Variants in NSUN6 observed in about 807,000 individuals in gnomAD.
NSUN6 encodes NOP2/Sun RNA methyltransferase 6, also known as tRNA (cytosine(72)-C(5))-methyltransferase NSUN6.
In NSUN6, 64 loss-of-function variants were observed where a neutral mutation model predicts 58.0. The ratio of observed to expected loss-of-function variants is 1.10; its 90% CI spans 0.90 to 1.36. The LOEUF (loss-of-function observed/expected upper bound fraction) is 1.36, where lower values mean the gene tolerates loss of function less well. Ranked by LOEUF, NSUN6 falls within the 40% of genes most tolerant of loss-of-function variation. The pLI, the probability that NSUN6 is intolerant of heterozygous loss-of-function variation, is 0.00. For missense variants in NSUN6, 701 were observed against 550.1 expected (o/e 1.27, Z -2.74); for synonymous variants, 231 against 193.9 (o/e 1.19, Z -1.59).
intron 8 of NSUN6, among the ~76,000 whole-genome samples, chr10:18,582,916 A>T (rs749712116): frequency 6.6e-6 from 1 of 152,154 alleles, no homozygotes; most frequent in Non-Finnish European, 1.5e-5. Context: ...CCTGGGGAGG[A>T]GGTGAATTAG....
intron 7 of NSUN6, among the ~76,000 whole-genome samples, chr10:18,593,283 G>A (rs1038771358): frequency 1.3e-5 from 2 of 152,190 alleles, no homozygotes; most frequent in African/African-American, 4.8e-5. Context: ...TTCAACCGCT[G>A]TGGAAGACAG....
intron 7 of NSUN6, among the ~76,000 whole-genome samples, chr10:18,586,878 C>T (rs1055477727): frequency 3.9e-5 from 6 of 152,138 alleles, no homozygotes; most frequent in Non-Finnish European, 7.3e-5. Flanking sequence ...GTCCATTTTA[C>T]ACAGTGCTGA....
chr10:18,574,962 A>G (rs530649536), intron 8 of NSUN6, among the ~76,000 whole-genome samples: 6 of 152,230 alleles, frequency 3.9e-5, no homozygotes, highest in African/African-American at 7.2e-5. Context: ...TCTGAAATGC[A>G]TATTTTTCAC....
chr10:18,640,361 T>A (rs1236117896), intron 3 of NSUN6, among the ~76,000 whole-genome samples: 1 of 152,212 alleles, frequency 6.6e-6, no homozygotes. Context: ...ACTCTAATTT[T>A]TACTTGCTTC....
At chr10:18,588,169 T>C (rs183136040) in intron 7 of NSUN6, among the ~76,000 whole-genome samples, 3 of 152,276 alleles carry the variant, frequency 2.0e-5, no homozygotes, top group African/African-American at 4.8e-5. Context: ...CTGGGAAGAA[T>C]TGACCGCAGC....
chr10:18,563,569 C>T (rs1452774399), intron 8 of NSUN6, among the ~76,000 whole-genome samples: 3 of 150,076 alleles, frequency 2.0e-5, no homozygotes, highest in Admixed American at 6.7e-5. Context: ...ATGGAATATT[C>T]TCCCTTCCCT....
chr10:18,658,609 C>A, upstream of NSUN6: 1 of 934,890 alleles, frequency 1.1e-6, no homozygotes. Flanking sequence ...GAGAGGGGTG[C>A]TATGTGTTAT....
At chr10:18,649,596 C>T (rs547544080) in intron 1 of NSUN6, among the ~76,000 whole-genome samples, 25 of 150,302 alleles carry the variant, frequency 1.7e-4, no homozygotes, top group Admixed American at 3.3e-4. Flanking sequence ...TCACTGCACT[C>T]CAACATGGGC....
At chr10:18,643,415 A>G (rs1342348215) in intron 2 of NSUN6, among the ~76,000 whole-genome samples, 4 of 152,088 alleles carry the variant, frequency 2.6e-5, no homozygotes, top group African/African-American at 4.8e-5. Flanking sequence ...CACATACTAC[A>G]TAAAAGACCA....
intron 8 of NSUN6, among the ~76,000 whole-genome samples, chr10:18,585,007 A>G (rs1052536745): frequency 3.7e-4 from 56 of 151,788 alleles, no homozygotes; most frequent in African/African-American, 1.4e-3. Context: ...TAAAAAAAAA[A>G]AAAGAGAGAG....
At position 18,545,977 on chromosome 10, in the gene NSUN6, T is replaced by TC; in HGVS notation, c.1365_1366insG (p.Ile456AspfsTer68). The TC allele has an allele frequency of 1.3e-6, 2 of 1,584,256 alleles. No individual in the cohort carries two copies. Among genetic ancestry groups the TC allele is most frequent in the African/African-American group, 2.8e-5 (2 of 72,606 alleles). On this transcript the variant is annotated frameshift_variant, in exon 11 of 11. Transcript: ENST00000377304. LOFTEE classifies it high-confidence loss of function. ...ACAAATTTTGCAATAAAAAAACCTATAGAGTCCTTATTAGCCAGACGCAAC... is the reference window on the plus strand; with the variant it reads ...ACAAATTTTGCAATAAAAAAACCTATCAGAGTCCTTATTAGCCAGACGCAAC...
intron 9 of NSUN6, 74 bp from the exon 10 acceptor site, chr10:18,548,311 G>C: frequency 7.9e-7 from 1 of 1,270,292 alleles, no homozygotes; most frequent in Non-Finnish European, 1.1e-6. Context: ...AAAGCAAAAG[G>C]TATAATGTCT....
chr10:18,591,973 C>A (rs7907891), intron 7 of NSUN6, among the ~76,000 whole-genome samples: 32,671 of 151,892 alleles, frequency 0.22, 3,871 homozygotes, highest in South Asian at 0.34. Context: ...AAAACCCCAT[C>A]GTCTCAGCCC....
At chr10:18,557,886 G>A (rs932934891) in intron 8 of NSUN6, among the ~76,000 whole-genome samples, 1 of 151,702 alleles carries the variant, frequency 6.6e-6, no homozygotes, top group Non-Finnish European at 1.5e-5. Flanking sequence ...GAATGGAATG[G>A]AATGAAATGA....
chr10:18,558,359 A>G (rs2055209323), intron 8 of NSUN6, among the ~76,000 whole-genome samples: 1 of 151,254 alleles, frequency 6.6e-6, no homozygotes, highest in South Asian at 2.1e-4. Flanking sequence ...GGAATGGAGA[A>G]TGGAATGGAG....
intron 1 of NSUN6, among the ~76,000 whole-genome samples, chr10:18,650,289 A>C (rs1480165688): frequency 1.3e-5 from 2 of 152,222 alleles, no homozygotes; most frequent in African/African-American, 4.8e-5. Flanking sequence ...AGTTGCTTAG[A>C]GGCAGCATGG....
chr10:18,602,293 G>A (rs1390418512), intron 6 of NSUN6, among the ~76,000 whole-genome samples: 1 of 151,056 alleles, frequency 6.6e-6, no homozygotes, highest in African/African-American at 2.4e-5. Flanking sequence ...GCCCAGGCTG[G>A]AATGCAGTGG....
chr10:18,628,233 T>C lies in NSUN6; in HGVS notation c.312-11940A>G, dbSNP rs1469562223. The stretch of plus-strand genomic sequence containing the variant: ...GGAAAACTAACAAACAGAAAGGACA[T>C]CCACACCAAAAACCCATCTGTACAT... On this transcript the variant is annotated intron_variant, in intron 3 of 10. Coordinates refer to ENST00000377304, the MANE Select transcript of NSUN6 (RefSeq NM_182543.5). Among the ~76,000 whole-genome samples, 7 of 152,128 alleles carry C rather than the reference T, an allele frequency of 4.6e-5. No homozygotes were observed. The East Asian group carries it at 1.4e-3, about 29-fold the overall frequency.
intron 8 of NSUN6, among the ~76,000 whole-genome samples, chr10:18,563,776 C>T (rs2055721656): frequency 6.7e-6 from 1 of 150,164 alleles, no homozygotes. Flanking sequence ...CCATTCCACT[C>T]TATTCCATTC....
Sources: allele counts gnomAD v4.1 joint callset (sites outside exome capture counted in the v4.1 genomes callset), GRCh38; gene constraint gnomAD v4.1.1; transcripts MANE v1.5; gene names NCBI Gene and HGNC (gene_info 2026-07-23, HGNC 2026-07-21).